The following TRAPPC2L variants were observed in gnomAD, a reference collection of about 807,000 sequenced individuals.
TRAPPC2L encodes trafficking protein particle complex subunit 2-like protein.
In TRAPPC2L, 17 loss-of-function variants were observed where a neutral mutation model predicts 13.2. The observed-to-expected ratio is 1.29, with a 90% CI of 0.88 to 1.93. The LOEUF (loss-of-function observed/expected upper bound fraction) is 1.93, where lower values mean the gene tolerates loss of function less well. Among genes scored for constraint, TRAPPC2L ranks in the 30% most tolerant of loss-of-function variants. TRAPPC2L has a pLI of 0.00. For missense variants in TRAPPC2L, 359 were observed against 252.1 expected (o/e 1.42, Z -2.87); for synonymous variants, 150 against 98.1 (o/e 1.53, Z -3.12).
chr16:88,860,223 T>A (rs1325076784), exon 4 of TRAPPC2L: 1 of 704,000 alleles, frequency 1.4e-6, no homozygotes, highest in Non-Finnish European at 2.6e-6. Context: ...CCATTTGGCT[T>A]CCCAGGTGTG....
At chr16:88,857,005 C>G, upstream of TRAPPC2L, 1 of 1,389,050 alleles carries the variant, frequency 7.2e-7, no homozygotes. Flanking sequence ...CCAGAGTCCG[C>G]GGAGGGACGG....
exon 4 of TRAPPC2L, chr16:88,860,436 C>T (rs1024741468): frequency 3.8e-5 from 23 of 606,074 alleles, no homozygotes; most frequent in Non-Finnish European, 6.4e-5. Flanking sequence ...ATGTGGGGTC[C>T]ATGCCCACAT....
chr16:88,858,412 TTTGCAAACAACACATAAATCTC>T (rs1370844333), intron 1 of TRAPPC2L, among the ~76,000 whole-genome samples, 185 bp from the exon 2 acceptor site: 1 of 152,202 alleles, frequency 6.6e-6, no homozygotes, highest in Non-Finnish European at 1.5e-5. Context: ...CTGCTGCTGC[TTTGCAAACAACACATAAATCTC>T]CTTAGGTTAG....
intron 1 of TRAPPC2L, among the ~76,000 whole-genome samples, chr16:88,858,347 C>T (rs972982637): frequency 1.3e-5 from 2 of 152,154 alleles, no homozygotes; most frequent in African/African-American, 4.8e-5. Flanking sequence ...GCTTGATCGG[C>T]AGGCTGTGCT....
intron 1 of TRAPPC2L, chr16:88,857,543 C>T (rs1646238): frequency 9.8e-6 from 3 of 305,810 alleles, no homozygotes; most frequent in Non-Finnish European, 1.2e-5. Context: ...GCGGCCCCGG[C>T]CCTCCTGCCA....
exon 4 of TRAPPC2L, chr16:88,860,281 G>C (rs1032047432): frequency 4.1e-5 from 29 of 700,736 alleles, no homozygotes; most frequent in Non-Finnish European, 7.5e-5. Context: ...CAAGCACATG[G>C]GCAGTGGCTT....
At chr16:88,860,652 C>T (rs1025810446) in exon 4 of TRAPPC2L, 8 of 597,110 alleles carry the variant, frequency 1.3e-5, no homozygotes, top group Admixed American at 2.9e-5. Context: ...GCCACACCAC[C>T]GCTCTGCCTG....
At chr16:88,856,932 G>A (rs1375303553), upstream of TRAPPC2L, 2 of 1,470,432 alleles carry the variant, frequency 1.4e-6, no homozygotes, top group Non-Finnish European at 1.8e-6. Context: ...GCGAGCGTCC[G>A]CCGGCCCTTC....
exon 4 of TRAPPC2L, chr16:88,861,092 A>G: frequency 3.6e-6 from 3 of 825,596 alleles, no homozygotes; most frequent in Non-Finnish European, 5.9e-6. Context: ...TGTTCTCTCA[A>G]CTAAAGGTCT....
At chr16:88,856,329 C>G (rs1461048396), upstream of TRAPPC2L, 3 of 702,526 alleles carry the variant, frequency 4.3e-6, no homozygotes, top group African/African-American at 5.2e-5. Flanking sequence ...TCAGGCAGGG[C>G]GGCAGGAGCA....
upstream of TRAPPC2L, chr16:88,856,897 G>A (rs1274449066): frequency 2.0e-6 from 3 of 1,502,256 alleles, no homozygotes; most frequent in Non-Finnish European, 2.6e-6. Flanking sequence ...GGGAGCCGCG[G>A]AGCCCCGGCC....
At chr16:88,862,617 G>A (rs1021774002) in exon 4 of TRAPPC2L, 2 of 62,144 alleles carry the variant, frequency 3.2e-5, no homozygotes, top group African/African-American at 1.2e-4. Context: ...ACCAGCCCCA[G>A]ACTACTTAAA....
At chr16:88,857,703 A>G (rs570879503) in intron 1 of TRAPPC2L, among the ~76,000 whole-genome samples, 2 of 152,138 alleles carry the variant, frequency 1.3e-5, no homozygotes, top group African/African-American at 4.8e-5. Flanking sequence ...CTCCGCTCCA[A>G]CCAAACAATT....
At chr16:88,860,665 C>A in exon 4 of TRAPPC2L, 1 of 600,246 alleles carries the variant, frequency 1.7e-6, no homozygotes, top group Non-Finnish European at 3.0e-6. Context: ...TCTGCCTGCC[C>A]ATGCTGCTCC....
At chr16:88,856,235 GAC>G (rs1567549838), upstream of TRAPPC2L, 1 of 703,062 alleles carries the variant, frequency 1.4e-6, no homozygotes, top group Non-Finnish European at 2.6e-6. Context: ...AGAGGACAGA[GAC>G]AGCCGTCAGG....
At chr16:88,856,861 G>T, upstream of TRAPPC2L, 1 of 1,510,890 alleles carries the variant, frequency 6.6e-7, no homozygotes, top group East Asian at 2.7e-5. Context: ...CCTCGTCGCC[G>T]CGACAACCGC....
At chr16:88,857,180 G>T in exon 1 of TRAPPC2L, 1 of 1,577,958 alleles carries the variant, frequency 6.3e-7, no homozygotes, top group Non-Finnish European at 8.6e-7. Context: ...TGATTGCCAA[G>T]GAGGTGCGTA....
chr16:88,861,687 G>T, exon 4 of TRAPPC2L: 2 of 482,304 alleles, frequency 4.1e-6, no homozygotes, highest in Non-Finnish European at 8.5e-6. Flanking sequence ...TGGCGTCAGT[G>T]CCGCCGGCGT....
At chr16:88,859,318 T>C in intron 2 of TRAPPC2L, 1 of 651,284 alleles carries the variant, frequency 1.5e-6, no homozygotes, top group African/African-American at 1.8e-5. Context: ...GGGATCCGCC[T>C]TGTTCACGAA....
Sources: gnomAD v4.1 joint callset for allele counts (sites outside exome capture counted in the v4.1 genomes callset) on GRCh38, gnomAD v4.1.1 for gene constraint, MANE v1.5 for transcripts, NCBI Gene and HGNC (gene_info 2026-07-23, HGNC 2026-07-21) for gene names.